The following RBFOX1 variants were observed in gnomAD, a reference collection of about 807,000 sequenced individuals.
RBFOX1 encodes the protein RNA binding protein fox-1 homolog 1.
In RBFOX1, 8 loss-of-function variants were observed where a neutral mutation model predicts 57.7. That is an observed-to-expected ratio of 0.14 (90% CI 0.08 to 0.25). RBFOX1 has a LOEUF of 0.25. Among genes scored for constraint, RBFOX1 ranks in the 10% least tolerant of loss-of-function variants. The pLI, the probability that RBFOX1 is intolerant of heterozygous loss-of-function variation, is 1.00. For missense variants in RBFOX1, 611 were observed against 548.5 expected, an observed-to-expected ratio of 1.11 and a Z score of -1.14; for synonymous variants, 326 against 222.4, an observed-to-expected ratio of 1.47 and a Z score of -4.15.
intron 14 of RBFOX1, among the ~76,000 whole-genome samples, chr16:7,687,286 T>A (rs2076270243): frequency 6.6e-6 from 1 of 152,068 alleles, no homozygotes; most frequent in South Asian, 2.1e-4. Flanking sequence ...TAGTATTTTA[T>A]GTGGAAAGGA....
intron 2 of RBFOX1, among the ~76,000 whole-genome samples, chr16:6,540,496 T>C (rs958092264): frequency 2.0e-5 from 3 of 150,508 alleles, no homozygotes; most frequent in African/African-American, 7.3e-5. Context: ...CATGTAGTCC[T>C]AGCTACTCAG....
chr16:5,343,069 G>A (rs1016642736), intron 1 of RBFOX1, among the ~76,000 whole-genome samples: 2 of 152,160 alleles, frequency 1.3e-5, no homozygotes, highest in Non-Finnish European at 2.9e-5. Flanking sequence ...ATACAACCTA[G>A]AATGGTTAGC....
chr16:6,413,802 C>T (rs2093542777), intron 2 of RBFOX1, among the ~76,000 whole-genome samples: 1 of 152,174 alleles, frequency 6.6e-6, no homozygotes, highest in Non-Finnish European at 1.5e-5. Context: ...CTCTCCTCTA[C>T]ACACTCACAC....
intron 4 of RBFOX1, among the ~76,000 whole-genome samples, chr16:5,918,826 T>G (rs2058760562): frequency 6.6e-6 from 1 of 152,142 alleles, no homozygotes; most frequent in African/African-American, 2.4e-5. Context: ...CAAAGCAGGC[T>G]TGGCCAGAGT....
intron 3 of RBFOX1, among the ~76,000 whole-genome samples, chr16:6,887,957 T>A (rs1312193860): frequency 2.6e-5 from 4 of 152,062 alleles, no homozygotes; most frequent in African/African-American, 9.7e-5. Flanking sequence ...CCACCACGCC[T>A]GTCCCATCCT....
intron 7 of RBFOX1, among the ~76,000 whole-genome samples, chr16:7,589,539 A>T (rs1245290057): frequency 6.6e-6 from 1 of 150,852 alleles, no homozygotes; most frequent in African/African-American, 2.4e-5. Context: ...CATCCAAAAT[A>T]GCCTCTCTCG....
chr16:7,085,348 G>A (rs1361010462), intron 4 of RBFOX1, among the ~76,000 whole-genome samples: 2 of 151,856 alleles, frequency 1.3e-5, no homozygotes, highest in South Asian at 4.1e-4. Context: ...TGCTGGATCA[G>A]CCAGTACTTC....
intron 4 of RBFOX1, among the ~76,000 whole-genome samples, chr16:7,352,124 C>G (rs1259060205): frequency 6.6e-6 from 1 of 152,098 alleles, no homozygotes; most frequent in Non-Finnish European, 1.5e-5. Context: ...GTCAAAGCAC[C>G]CCACGGCAGA....
intron 3 of RBFOX1, among the ~76,000 whole-genome samples, chr16:6,711,429 C>T (rs561387143): frequency 5.9e-5 from 9 of 152,280 alleles, no homozygotes; most frequent in Non-Finnish European, 1.0e-4. Flanking sequence ...CCACTCAAAT[C>T]TCATCTTGAA....
At chr16:7,008,063 T>G (rs902379245) in intron 3 of RBFOX1, among the ~76,000 whole-genome samples, 2 of 152,144 alleles carry the variant, frequency 1.3e-5, no homozygotes, top group African/African-American at 4.8e-5. Context: ...GAGAGCAAAC[T>G]TGGATCCAGT....
intron 3 of RBFOX1, among the ~76,000 whole-genome samples, chr16:5,709,247 C>G (rs975002936): frequency 1.3e-5 from 2 of 152,106 alleles, no homozygotes; most frequent in Non-Finnish European, 2.9e-5. Context: ...GTAGAGAACA[C>G]AGGATGCCAG....
chr16:6,027,143 A>G (rs2095211963), intron 1 of RBFOX1, among the ~76,000 whole-genome samples: 2 of 152,134 alleles, frequency 1.3e-5, no homozygotes, highest in East Asian at 3.8e-4. Context: ...GGTTTTCAAA[A>G]TTGTCTTCTT....
chr16:6,816,807 C>G (rs1368375691), intron 3 of RBFOX1, among the ~76,000 whole-genome samples: 1 of 151,764 alleles, frequency 6.6e-6, no homozygotes, highest in East Asian at 1.9e-4. Context: ...TGCAGTGATG[C>G]AATCATATCT....
intron 12 of RBFOX1, among the ~76,000 whole-genome samples, chr16:7,661,695 T>G (rs1438020319): frequency 6.6e-6 from 1 of 152,242 alleles, no homozygotes; most frequent in African/African-American, 2.4e-5. Flanking sequence ...TCTTCGGTCT[T>G]CATGCCTTCG....
intron 3 of RBFOX1, among the ~76,000 whole-genome samples, chr16:5,751,164 A>G (rs557639739): frequency 3.3e-5 from 5 of 152,066 alleles, no homozygotes; most frequent in African/African-American, 4.8e-5. Flanking sequence ...CTTTCTGTTC[A>G]ATCCAGACAG....
chr16:7,544,260 C>T (rs1304693975), intron 5 of RBFOX1, among the ~76,000 whole-genome samples: 5 of 152,084 alleles, frequency 3.3e-5, no homozygotes, highest in Non-Finnish European at 7.4e-5. Flanking sequence ...GAGAAGTGAA[C>T]GTTGGAGTCA....
chr16:5,746,632 T>G (rs2052992833), intron 3 of RBFOX1, among the ~76,000 whole-genome samples: 1 of 152,202 alleles, frequency 6.6e-6, no homozygotes, highest in Non-Finnish European at 1.5e-5. Context: ...TTGTTTGTAG[T>G]TCTCCTTGAA....
At chr16:5,248,422 T>C (rs2062358043) in intron 1 of RBFOX1, among the ~76,000 whole-genome samples, 1 of 152,244 alleles carries the variant, frequency 6.6e-6, no homozygotes, top group African/African-American at 2.4e-5. Context: ...CCAGGGCCTC[T>C]GAGAGCCCTG....
chr16:6,935,690 TAGG>T (rs1482617867), intron 3 of RBFOX1, among the ~76,000 whole-genome samples: 2 of 152,086 alleles, frequency 1.3e-5, no homozygotes, highest in Admixed American at 6.6e-5. Flanking sequence ...AAAGGGTGAT[TAGG>T]AGGTTTGAGA....
Sources: gnomAD v4.1 joint callset for allele counts (sites outside exome capture counted in the v4.1 genomes callset) on GRCh38, gnomAD v4.1.1 for gene constraint, MANE v1.5 for transcripts, NCBI Gene and HGNC (gene_info 2026-07-23, HGNC 2026-07-21) for gene names.